The following VWF variants were observed in gnomAD, a reference collection of about 807,000 sequenced individuals.
The protein encoded by VWF is Factor VIII related antigen.
In VWF, 176 loss-of-function variants were observed where a neutral mutation model predicts 308.6. The observed-to-expected ratio is 0.57, with a 90% CI of 0.50 to 0.65. The LOEUF (loss-of-function observed/expected upper bound fraction) is 0.65, where lower values mean the gene tolerates loss of function less well. Ranked by LOEUF, VWF falls within the 30% of genes least tolerant of loss-of-function variation. The pLI is 0.00. For synonymous variants in VWF, 1,385 were observed against 1,443.4 expected (o/e 0.96, Z 0.92); for missense variants, 3,146 against 3,648.2 (o/e 0.86, Z 3.55).
chr12:6,042,354 C>G (rs1944404880), intron 18 of VWF, among the ~76,000 whole-genome samples: 1 of 152,172 alleles, frequency 6.6e-6, no homozygotes, highest in African/African-American at 2.4e-5. Context: ...GAGGAACACC[C>G]CGAGGGATGA....
intron 34 of VWF, among the ~76,000 whole-genome samples, chr12:5,997,777 A>G (rs1943822413): frequency 6.6e-6 from 1 of 152,202 alleles, no homozygotes; most frequent in Non-Finnish European, 1.5e-5. Context: ...ATACCAAATT[A>G]CCTCCCAACA....
intron 10 of VWF, among the ~76,000 whole-genome samples, chr12:6,069,221 T>C (rs893422726): frequency 3.3e-5 from 5 of 152,102 alleles, no homozygotes; most frequent in African/African-American, 1.2e-4. Context: ...GTGCTCATTA[T>C]TATCCCCAGT....
At chr12:5,992,441 T>A (rs1212516824) in intron 37 of VWF, among the ~76,000 whole-genome samples, 1 of 152,138 alleles carries the variant, frequency 6.6e-6, no homozygotes, top group Non-Finnish European at 1.5e-5. Flanking sequence ...CACACCCAAC[T>A]GAGGGCAGAG....
chr12:5,955,073 T>C (rs1477297520), intron 47 of VWF, among the ~76,000 whole-genome samples: 1 of 152,166 alleles, frequency 6.6e-6, no homozygotes, highest in Non-Finnish European at 1.5e-5. Context: ...TAAGAGTCTC[T>C]TCAACATATC....
intron 47 of VWF, among the ~76,000 whole-genome samples, chr12:5,963,137 C>T (rs754321322): frequency 3.3e-5 from 5 of 152,032 alleles, no homozygotes; most frequent in Admixed American, 3.3e-4. Context: ...TGAATTTTAT[C>T]GAAATTAAAC....
At chr12:6,071,440 C>T (rs1033853000) in intron 9 of VWF, 97 bp from the exon 10 acceptor site, 16 of 1,364,854 alleles carry the variant, frequency 1.2e-5, no homozygotes, top group Admixed American at 3.5e-5. Flanking sequence ...AGTCCCCAAA[C>T]GAAGGGATGT....
intron 18 of VWF, among the ~76,000 whole-genome samples, chr12:6,042,576 C>T (rs1944407207): frequency 6.6e-6 from 1 of 152,236 alleles, no homozygotes; most frequent in Non-Finnish European, 1.5e-5. Flanking sequence ...ATAACCGAAT[C>T]TCTTACAATA....
intron 2 of VWF, among the ~76,000 whole-genome samples, chr12:6,122,483 T>G (rs952513657): frequency 4.6e-5 from 7 of 152,118 alleles, no homozygotes; most frequent in African/African-American, 1.7e-4. Flanking sequence ...TGTTCTGGGT[T>G]CCCCGGCAAA....
rs754719008 is a variant in VWF at position 5,994,084 on chromosome 12, T to C, written c.6376A>G (p.Ile2126Val). 1.1e-5 allele frequency: 17 copies of C among 1,614,084 alleles called. No individual in the cohort carries two copies. Among genetic ancestry groups the C allele is most frequent in the Non-Finnish European group, 1.3e-5 (15 of 1,180,042 alleles). The change falls in exon 37 of 52, where the codon ATC becomes GTC. Residue 2126 changes from isoleucine (I) to valine (V), a missense_variant. Physicochemically the swap from Ile to Val is conservative, Grantham distance 29. Transcript: ENST00000261405. ...GGGACAAGACACTGCTCCTCCAGGA[T>C]GGGCTGGCACGTCTGCCCTGGCCGC... ...VQRPGQTCQP[I>V]LEEQCLVPDS...
Position 6,063,371 on chromosome 12 carries a change from G to A in VWF, c.1433-317C>T, listed in dbSNP as rs1318394812. 6.6e-6 allele frequency among the ~76,000 whole-genome samples: 1 copy of A among 152,148 alleles called. No homozygotes were observed. ...CTGTAGGCAGGTGCCCTGGAGCAGAGGGGGATCTCTTTAGCATTGACACCA... is the reference window on the plus strand; with the variant it reads ...CTGTAGGCAGGTGCCCTGGAGCAGAAGGGGATCTCTTTAGCATTGACACCA... On this transcript the variant is annotated intron_variant, in intron 12 of 51. Transcript: ENST00000261405. The surrounding 1 kb of genome is among the most constrained non-coding windows in gnomAD (Gnocchi z 4.9).
chr12:6,064,961 A>G (rs1591895726), intron 11 of VWF, among the ~76,000 whole-genome samples, 176 bp downstream of exon 11: 1 of 152,122 alleles, frequency 6.6e-6, no homozygotes, highest in Non-Finnish European at 1.5e-5. Context: ...GCATCTAGGG[A>G]GAGAGGGGAT....
intron 47 of VWF, among the ~76,000 whole-genome samples, chr12:5,958,427 C>A (rs1943274071): frequency 6.6e-6 from 1 of 152,190 alleles, no homozygotes; most frequent in Admixed American, 6.5e-5. Flanking sequence ...TGGCTTCATG[C>A]CCGTAATATC....
rs534087172 is a variant in VWF, at chr12:6,121,884, T to C, written c.56-546A>G. 4.0e-5 allele frequency among the ~76,000 whole-genome samples: 6 copies of C among 151,274 alleles called. 1 individual carries two copies. Among genetic ancestry groups the C allele is most frequent in the African/African-American group, 1.5e-4 (6 of 41,170 alleles). ...AGGCAGAGGTTGCAGGGAGCCAACA[T>C]CATACCACTGCACTCTAGACTGGGC... is the stretch of plus-strand genomic sequence containing the variant. On this transcript the variant is annotated intron_variant, in intron 2 of 51. Transcript: ENST00000261405.
intron 16 of VWF, among the ~76,000 whole-genome samples, chr12:6,050,002 C>T (rs773661720): frequency 4.6e-5 from 7 of 152,240 alleles, no homozygotes; most frequent in African/African-American, 1.2e-4. Flanking sequence ...TCGCTACTCT[C>T]ATGGCTGAAA....
chr12:5,953,721 A>G, intron 47 of VWF, 127 bp from the exon 48 acceptor site: 1 of 773,518 alleles, frequency 1.3e-6, no homozygotes, highest in Non-Finnish European at 2.3e-6. Flanking sequence ...CGGAAAGTCA[A>G]CATCCAACTC....
chr12:6,084,707 G>A (rs551114200), intron 6 of VWF, among the ~76,000 whole-genome samples: 1 of 152,270 alleles, frequency 6.6e-6, no homozygotes, highest in Non-Finnish European at 1.5e-5. Context: ...TACATAGAGT[G>A]CAATATTGTT....
At chr12:5,967,066 T>C (rs1333748264) in intron 47 of VWF, among the ~76,000 whole-genome samples, 3 of 152,248 alleles carry the variant, frequency 2.0e-5, no homozygotes, top group Non-Finnish European at 4.4e-5. Flanking sequence ...AATAGCTTGG[T>C]TGTATACACG....
intron 31 of VWF, 143 bp downstream of exon 31, chr12:6,015,946 T>A (rs1218611434): frequency 1.9e-6 from 2 of 1,054,942 alleles, no homozygotes; most frequent in Admixed American, 4.1e-5. Flanking sequence ...AATTTCCTGC[T>A]GTTTGAAACC....
intron 31 of VWF, among the ~76,000 whole-genome samples, chr12:6,015,209 ACACAGATG>A (rs1259829201): frequency 1.3e-5 from 2 of 152,218 alleles, no homozygotes; most frequent in African/African-American, 4.8e-5. Flanking sequence ...TGTGCATCAT[ACACAGATG>A]ATACAAAAAT....
Sources: allele counts gnomAD v4.1 joint callset (sites outside exome capture counted in the v4.1 genomes callset), GRCh38; gene constraint gnomAD v4.1.1; non-coding constraint Gnocchi (gnomAD v3.1); transcripts MANE v1.5; gene names NCBI Gene and HGNC (gene_info 2026-07-23, HGNC 2026-07-21).